SLC35F1: variants seen among roughly 807,000 people sequenced by gnomAD.
The protein encoded by SLC35F1 is chromosome 6 open reading frame 169.
In SLC35F1, 14 loss-of-function variants were observed where a neutral mutation model predicts 48.7. That is an observed-to-expected ratio of 0.29 (90% CI 0.19 to 0.45). The LOEUF (loss-of-function observed/expected upper bound fraction) is 0.45, where lower values mean the gene tolerates loss of function less well. Ranked by LOEUF, SLC35F1 falls within the 20% of genes least tolerant of loss-of-function variation. SLC35F1 has a pLI of 1.00. For synonymous variants in SLC35F1, 190 were observed against 202.2 expected (o/e 0.94, Z 0.51); for missense variants, 404 against 500.0 (o/e 0.81, Z 1.83).
At chr6:118,154,291 C>T (rs753788403) in intron 1 of SLC35F1, among the ~76,000 whole-genome samples, 154 bp from the exon 2 acceptor site, 1 of 152,202 alleles carries the variant, frequency 6.6e-6, no homozygotes, top group Non-Finnish European at 1.5e-5. Flanking sequence ...ATCATTGCAC[C>T]TTCCTCGAGG....
chr6:117,990,121 A>T (rs940396740), intron 1 of SLC35F1, among the ~76,000 whole-genome samples: 6 of 152,124 alleles, frequency 3.9e-5, no homozygotes, highest in African/African-American at 1.4e-4. Flanking sequence ...GATGGTTTCC[A>T]TTTTAAGGGC....
intron 1 of SLC35F1, among the ~76,000 whole-genome samples, chr6:118,051,937 C>A (rs1331681997): frequency 6.6e-6 from 1 of 152,116 alleles, no homozygotes; most frequent in East Asian, 1.9e-4. Flanking sequence ...TCAATACCTT[C>A]CCTTATAAGA....
At chr6:118,036,092 C>T (rs1772128256) in intron 1 of SLC35F1, among the ~76,000 whole-genome samples, 1 of 152,042 alleles carries the variant, frequency 6.6e-6, no homozygotes, top group Non-Finnish European at 1.5e-5. Context: ...TTTAAGTTTA[C>T]ATTGTTTTTA....
intron 2 of SLC35F1, among the ~76,000 whole-genome samples, chr6:118,226,440 C>T (rs1321688477): frequency 2.6e-5 from 4 of 151,462 alleles, no homozygotes; most frequent in Admixed American, 2.0e-4. Context: ...TTCACAATAA[C>T]CAAAACATGG....
chr6:118,125,486 GT>G (rs1773612114), intron 1 of SLC35F1, among the ~76,000 whole-genome samples: 1 of 152,208 alleles, frequency 6.6e-6, no homozygotes, highest in Admixed American at 6.5e-5. Flanking sequence ...CATTGATAAA[GT>G]TTTGGGACGA....
chr6:118,071,944 C>A (rs1772737304), intron 1 of SLC35F1, among the ~76,000 whole-genome samples: 1 of 152,126 alleles, frequency 6.6e-6, no homozygotes, highest in African/African-American at 2.4e-5. Context: ...CTGCTGGGAC[C>A]TTTCAACTTT....
At chr6:117,923,671 A>ATG (rs1562238714) in intron 1 of SLC35F1, among the ~76,000 whole-genome samples, 733 of 32,314 alleles carry the variant, frequency 0.023, 198 homozygotes, top group African/African-American at 0.063. Context: ...ATATATACAT[A>ATG]TATGTACATA....
intron 1 of SLC35F1, among the ~76,000 whole-genome samples, chr6:118,019,004 T>C (rs940060205): frequency 6.6e-6 from 1 of 152,166 alleles, no homozygotes. Context: ...TTAAGTTGAA[T>C]GGGTCAGTTC....
intron 1 of SLC35F1, among the ~76,000 whole-genome samples, chr6:118,011,665 G>A (rs9401046): frequency 0.2 from 30,984 of 152,094 alleles, 3,448 homozygotes; most frequent in East Asian, 0.3. Flanking sequence ...TAATCTGACG[G>A]GAGGCAGAGC....
intron 1 of SLC35F1, among the ~76,000 whole-genome samples, chr6:118,112,291 G>A (rs903865708): frequency 2.0e-5 from 3 of 151,858 alleles, no homozygotes; most frequent in African/African-American, 7.3e-5. Context: ...TTCTAATTTT[G>A]CTTTAAAGGT....
At chr6:118,239,323 C>T (rs773016812) in intron 3 of SLC35F1, among the ~76,000 whole-genome samples, 4 of 150,566 alleles carry the variant, frequency 2.7e-5, no homozygotes, top group Non-Finnish European at 5.9e-5. Flanking sequence ...TCCCAGTGGT[C>T]CTTTATCTAT....
chr6:118,248,998 C>G (rs73527816), intron 3 of SLC35F1, among the ~76,000 whole-genome samples: 2,082 of 152,314 alleles, frequency 0.014, 35 homozygotes, highest in African/African-American at 0.036. Flanking sequence ...ACCATGCACG[C>G]GAGGACACAG....
chr6:118,005,749 A>G (rs1424656831), intron 1 of SLC35F1, among the ~76,000 whole-genome samples: 1 of 152,166 alleles, frequency 6.6e-6, no homozygotes, highest in African/African-American at 2.4e-5. Context: ...TTGGCTATCC[A>G]AGTCCATGAT....
intron 1 of SLC35F1, among the ~76,000 whole-genome samples, chr6:118,017,666 T>C (rs907644449): frequency 3.9e-5 from 6 of 152,220 alleles, no homozygotes; most frequent in African/African-American, 1.2e-4. Context: ...CAGCGTATTA[T>C]TTCTGCACAC....
At chr6:118,113,929 T>A (rs191876248) in intron 1 of SLC35F1, among the ~76,000 whole-genome samples, 13 of 152,344 alleles carry the variant, frequency 8.5e-5, no homozygotes, top group Non-Finnish European at 1.8e-4. Flanking sequence ...GTGTCATCTG[T>A]TAAATGATAT....
At chr6:118,209,674 G>A (rs1562326094) in intron 2 of SLC35F1, among the ~76,000 whole-genome samples, 2 of 151,932 alleles carry the variant, frequency 1.3e-5, no homozygotes, top group South Asian at 4.2e-4. Flanking sequence ...TATATATATT[G>A]TCTTCTTTTT....
At chr6:117,972,367 G>A (rs1401971240) in intron 1 of SLC35F1, among the ~76,000 whole-genome samples, 1 of 152,176 alleles carries the variant, frequency 6.6e-6, no homozygotes, top group Non-Finnish European at 1.5e-5. Context: ...AGCCCTCCAA[G>A]TGGTTACAAC....
intron 1 of SLC35F1, among the ~76,000 whole-genome samples, chr6:117,996,027 G>T (rs1447016718): frequency 6.6e-6 from 1 of 152,126 alleles, no homozygotes; most frequent in Admixed American, 6.5e-5. Context: ...GGAAATAAGT[G>T]CTCTCCATGG....
intron 1 of SLC35F1, among the ~76,000 whole-genome samples, chr6:118,135,720 C>T (rs117515408): frequency 0.011 from 1,614 of 152,324 alleles, 31 homozygotes; most frequent in Admixed American, 0.029. Context: ...TTTAACAGCA[C>T]ATTTGGGTGA....
Sources: gnomAD v4.1 joint callset for allele counts (sites outside exome capture counted in the v4.1 genomes callset) on GRCh38, gnomAD v4.1.1 for gene constraint, MANE v1.5 for transcripts, NCBI Gene and HGNC (gene_info 2026-07-23, HGNC 2026-07-21) for gene names.